The following RNF220 variants were observed in gnomAD, a reference collection of about 807,000 sequenced individuals.
RNF220 encodes the protein ring finger protein 220, also known as E3 ubiquitin-protein ligase RNF220.
Under a neutral mutation model 67.1 loss-of-function variants are expected in RNF220, and 7 were observed. The ratio of observed to expected loss-of-function variants is 0.10; its 90% CI spans 0.06 to 0.20. RNF220 has a LOEUF of 0.20. RNF220 is among the 10% of genes least tolerant of loss of function. The pLI is 1.00. For missense variants in RNF220, 565 were observed against 740.3 expected (o/e 0.76, Z 2.75); for synonymous variants, 270 against 283.2 (o/e 0.95, Z 0.47).
Position 44,651,023 on chromosome 1 carries a change from G to T in RNF220, c.*248G>T. 1.2e-5 allele frequency: 6 copies of T among 507,558 alleles called. No individual in the cohort carries two copies. The highest frequency in any genetic ancestry group is 3.5e-5 in the East Asian group (1 of 28,296). 31.4% of individuals were successfully genotyped at this position (507,558 alleles called of 1,614,324 possible). On this transcript the variant is annotated 3_prime_UTR_variant, in exon 15 of 15. Transcript: ENST00000361799. ...TGGGGGCCATACCTGTTCCAGCTCT[G>T]TTCCCAGGGTGGGGCAGGGAGGTGG...
At chr1:44,437,151 G>A (rs1651060915) in intron 2 of RNF220, among the ~76,000 whole-genome samples, 1 of 152,192 alleles carries the variant, frequency 6.6e-6, no homozygotes. Flanking sequence ...GGAATAGCAC[G>A]CTTTGGGAGT....
chr1:44,448,787 A>G (rs1043351937), intron 2 of RNF220, among the ~76,000 whole-genome samples: 3 of 152,224 alleles, frequency 2.0e-5, no homozygotes, highest in African/African-American at 4.8e-5. Context: ...ACAATTCAAA[A>G]TACCGGATTA....
rs61261939 is a variant in RNF220 at position 44,554,549 on chromosome 1, G to A, written c.626-59616G>A. Among the ~76,000 whole-genome samples, 1,058 of 152,226 alleles carry A rather than the reference G, an allele frequency of 7.0e-3. 14 individuals carry two copies. The highest frequency in any genetic ancestry group is 0.025 in the African/African-American group (1,027 of 41,530). ...GCTCCAATGTCAGACCCAAGGACAGGAAACAGTTGGGCTGAAGGGGATCCC... is the reference window on the plus strand; with the variant it reads ...GCTCCAATGTCAGACCCAAGGACAGAAAACAGTTGGGCTGAAGGGGATCCC... On this transcript the variant is annotated intron_variant, in intron 2 of 14. Transcript: ENST00000361799.
intron 2 of RNF220, among the ~76,000 whole-genome samples, chr1:44,441,807 G>A (rs1348555648): frequency 1.3e-5 from 2 of 152,146 alleles, no homozygotes; most frequent in African/African-American, 4.8e-5. Flanking sequence ...TGTGCTAGGA[G>A]CCATTAGGTC....
chr1:44,597,353 G>C lies in RNF220; in HGVS notation c.626-16812G>C, dbSNP rs77001218. The stretch of plus-strand genomic sequence containing the variant: ...GGTTAGCATGGCTCCAAAAACTTTG[G>C]GGGGAAAAGGGGCAAGGAGGGGAGA... On this transcript the variant is annotated intron_variant, in intron 2 of 14. Transcript: ENST00000361799. Among the ~76,000 whole-genome samples the C allele has an allele frequency of 5.0e-3, 755 of 152,094 alleles. 7 individuals are homozygous for C. The highest frequency in any genetic ancestry group is 0.018 in the African/African-American group (734 of 41,466).
intron 2 of RNF220, among the ~76,000 whole-genome samples, chr1:44,527,583 C>A (rs1325197320): frequency 6.6e-6 from 1 of 151,816 alleles, no homozygotes; most frequent in African/African-American, 2.4e-5. Flanking sequence ...CATAACGAGA[C>A]CCTGTCTTAT....
chr1:44,531,994 T>C (rs1413989302), intron 2 of RNF220, among the ~76,000 whole-genome samples: 1 of 152,206 alleles, frequency 6.6e-6, no homozygotes, highest in Non-Finnish European at 1.5e-5. Context: ...TCTAAGGTGC[T>C]GAGTCTCACT....
chr1:44,584,917 T>G (rs1038209866), intron 2 of RNF220, among the ~76,000 whole-genome samples: 4 of 152,206 alleles, frequency 2.6e-5, no homozygotes, highest in Non-Finnish European at 5.9e-5. Flanking sequence ...CAGGCTGGTC[T>G]CGAACTCCTG....
intron 8 of RNF220, among the ~76,000 whole-genome samples, chr1:44,637,691 C>T (rs1029655436): frequency 1.3e-5 from 2 of 152,250 alleles, no homozygotes; most frequent in Non-Finnish European, 2.9e-5. Context: ...GATGCACTTG[C>T]ACAGCAGTGT....
chr1:44,445,750 C>T (rs60632819), intron 2 of RNF220, among the ~76,000 whole-genome samples: 4,986 of 152,252 alleles, frequency 0.033, 280 homozygotes, highest in African/African-American at 0.11. Context: ...CTACGAAACA[C>T]ACTGTCTTTA....
At chr1:44,522,255 G>A (rs193178712) in intron 2 of RNF220, among the ~76,000 whole-genome samples, 7 of 152,234 alleles carry the variant, frequency 4.6e-5, no homozygotes, top group East Asian at 1.9e-4. Context: ...GCTCTGTCGC[G>A]TGTTCACTGA....
intron 2 of RNF220, among the ~76,000 whole-genome samples, chr1:44,482,483 A>G (rs1386528744): frequency 6.6e-6 from 1 of 152,222 alleles, no homozygotes; most frequent in Non-Finnish European, 1.5e-5. Context: ...CTCAGTGAGC[A>G]ATGAATAGCT....
Position 44,600,314 on chromosome 1 carries a change from G to C in RNF220, c.626-13851G>C, listed in dbSNP as rs896201062. Among the ~76,000 whole-genome samples the C allele has an allele frequency of 2.0e-5, 3 of 152,176 alleles. No individual in the cohort carries two copies. The highest frequency in any genetic ancestry group is 2.9e-5 in the Non-Finnish European group (2 of 68,034). On this transcript the variant is annotated intron_variant, in intron 2 of 14. Transcript: ENST00000361799. This position sits in a 1 kb window ranked among gnomAD's most constrained non-coding sequence, Gnocchi z 4.0. ...TACAGGCTGAGGGAATGAAACCAGA[G>C]TTTCAGAGATCACACATAGAGTGTG...
At chr1:44,512,571 C>T (rs963796888) in intron 2 of RNF220, among the ~76,000 whole-genome samples, 14 of 151,958 alleles carry the variant, frequency 9.2e-5, no homozygotes, top group African/African-American at 3.4e-4. Flanking sequence ...ACAGCCCCAG[C>T]GCCCTACACA....
intron 2 of RNF220, among the ~76,000 whole-genome samples, chr1:44,523,154 G>A (rs1188288771): frequency 6.6e-6 from 1 of 152,234 alleles, no homozygotes; most frequent in Non-Finnish European, 1.5e-5. Flanking sequence ...TTTGTCTGTA[G>A]AGTTGGGGCT....
chr1:44,405,808 G>T (rs1268487137), intron 1 of RNF220, among the ~76,000 whole-genome samples: 1 of 151,576 alleles, frequency 6.6e-6, no homozygotes, highest in Non-Finnish European at 1.5e-5. Flanking sequence ...TTTGGGGAGG[G>T]GGGGAGGTGC....
intron 2 of RNF220, among the ~76,000 whole-genome samples, chr1:44,589,601 G>A (rs1328584669): frequency 3.9e-5 from 5 of 128,552 alleles, no homozygotes; most frequent in Non-Finnish European, 3.2e-5. Context: ...GTGACAGAGC[G>A]AGACTGCATC....
intron 2 of RNF220, among the ~76,000 whole-genome samples, chr1:44,431,598 C>A (rs1405126908): frequency 1.3e-5 from 2 of 151,788 alleles, no homozygotes; most frequent in Non-Finnish European, 2.9e-5. Context: ...AAATGGAATT[C>A]CATTTAACCA....
In RNF220 at chr1:44,606,357, G is replaced by A. The variant is rs1190131596; in HGVS notation, c.626-7808G>A. Among the ~76,000 whole-genome samples the A allele has an allele frequency of 6.6e-6, 1 of 152,232 alleles. No homozygotes were observed. The highest frequency in any genetic ancestry group is 2.4e-5 in the African/African-American group (1 of 41,460). On this transcript the variant is annotated intron_variant, in intron 2 of 14. Coordinates refer to ENST00000361799, the MANE Select transcript of RNF220 (RefSeq NM_018150.4). This position sits in a 1 kb window ranked among gnomAD's most constrained non-coding sequence, Gnocchi z 4.2. ...CTCTTGCTGTCCCATACTCAGCAGAGGCGCCAATCATAGTTTTAAGAGAAG... is the reference window on the plus strand; with the variant it reads ...CTCTTGCTGTCCCATACTCAGCAGAAGCGCCAATCATAGTTTTAAGAGAAG...
Sources: allele counts gnomAD v4.1 joint callset (sites outside exome capture counted in the v4.1 genomes callset), GRCh38; gene constraint gnomAD v4.1.1; non-coding constraint Gnocchi (gnomAD v3.1); transcripts MANE v1.5; gene names NCBI Gene and HGNC (gene_info 2026-07-23, HGNC 2026-07-21).